The following CUL1 variants were observed in gnomAD, a reference collection of about 807,000 sequenced individuals.
CUL1 encodes the protein cullin 1, also known as cullin-1.
Under a neutral mutation model 118.0 loss-of-function variants are expected in CUL1, and 24 were observed. That is an observed-to-expected ratio of 0.20 (90% confidence interval 0.15 to 0.29). CUL1 has a LOEUF of 0.29. Ranked by LOEUF, CUL1 falls within the 10% of genes least tolerant of loss-of-function variation. The pLI is 1.00. For missense variants in CUL1, 361 were observed against 933.8 expected (o/e 0.39, Z 7.99); for synonymous variants, 332 against 340.4 (o/e 0.98, Z 0.27).
At chr7:148,784,709 TCTC>T (rs1233472000) in intron 11 of CUL1, among the ~76,000 whole-genome samples, 16 of 152,332 alleles carry the variant, frequency 1.1e-4, no homozygotes, top group African/African-American at 3.6e-4. Context: ...AGGAAGCTAA[TCTC>T]CTTCTGGCTT....
intron 1 of CUL1, among the ~76,000 whole-genome samples, chr7:148,703,528 G>GT (rs1286657111): frequency 1.0e-4 from 14 of 134,330 alleles, no homozygotes; most frequent in Non-Finnish European, 5.1e-5. Flanking sequence ...AGGTTTTTTT[G>GT]TTTTTTGTTT....
rs1179386384 is a variant in CUL1, at chr7:148,787,707, T to C, written c.1479+587T>C. ...GGGCCTCTCCTGCCTCCCACACCTT[T>C]AGCCTTGCAGCACATTCACACTTCC... On this transcript the variant is annotated intron_variant, in intron 13 of 21. Transcript: ENST00000325222. This position sits in a 1 kb window ranked among gnomAD's most constrained non-coding sequence, Gnocchi z 5.5. Among the ~76,000 whole-genome samples, 1 of 152,094 alleles carries C rather than the reference T, an allele frequency of 6.6e-6. No homozygotes were observed. Among genetic ancestry groups the C allele is most frequent in the Non-Finnish European group, 1.5e-5 (1 of 68,024 alleles).
intron 1 of CUL1, among the ~76,000 whole-genome samples, chr7:148,703,953 T>G (rs1443612706): frequency 6.6e-6 from 1 of 152,146 alleles, no homozygotes; most frequent in Non-Finnish European, 1.5e-5. Flanking sequence ...GATCTCAAGA[T>G]GGAGAAGACC....
intron 9 of CUL1, among the ~76,000 whole-genome samples, chr7:148,781,206 G>A (rs1358346845): frequency 2.0e-4 from 30 of 148,540 alleles, no homozygotes; most frequent in African/African-American, 7.0e-4. Context: ...TCAGCCTCCC[G>A]AGTAGCTGGG....
At position 148,720,598 on chromosome 7, in the gene CUL1, A is replaced by G. The variant is rs182757828; in HGVS notation, c.-161-9364A>G. ...GATAGGATTAGATATTTGGGCAGTT[A>G]GTAGAGAGGGTGGTGCTTTCGTAAC... On this transcript the variant is annotated intron_variant, in intron 1 of 21. Transcript: ENST00000325222. 3.6e-3 allele frequency among the ~76,000 whole-genome samples: 548 copies of G among 152,300 alleles called. 2 individuals carry two copies. Among genetic ancestry groups the G allele is most frequent in the African/African-American group, 0.013 (525 of 41,582 alleles).
intron 7 of CUL1, among the ~76,000 whole-genome samples, chr7:148,761,581 G>A (rs972483965): frequency 6.6e-6 from 1 of 152,202 alleles, no homozygotes; most frequent in Non-Finnish European, 1.5e-5. Context: ...TCTGGAGTCA[G>A]CAAACTTATC....
chr7:148,799,692 T>C (rs1801323778), intron 21 of CUL1, among the ~76,000 whole-genome samples: 1 of 141,886 alleles, frequency 7.0e-6, no homozygotes, highest in East Asian at 2.5e-4. Flanking sequence ...CTGTGTCCCA[T>C]AGAAAATCAC....
chr7:148,758,901 A>T (rs1353239475), intron 4 of CUL1, among the ~76,000 whole-genome samples: 5 of 152,126 alleles, frequency 3.3e-5, no homozygotes, highest in African/African-American at 4.8e-5. Context: ...TCTTTTTCAC[A>T]TATAAATGCT....
At chr7:148,747,711 AC>A (rs1157510165) in intron 2 of CUL1, among the ~76,000 whole-genome samples, 1 of 152,232 alleles carries the variant, frequency 6.6e-6, no homozygotes, top group African/African-American at 2.4e-5. Context: ...AGGAGCAAAA[AC>A]CACTATGGAA....
At chr7:148,708,841 C>T (rs888275984) in intron 1 of CUL1, among the ~76,000 whole-genome samples, 6 of 152,134 alleles carry the variant, frequency 3.9e-5, no homozygotes, top group African/African-American at 7.2e-5. Context: ...AACAAAGCAA[C>T]CAATTTGCGG....
chr7:148,799,419 T>G (rs1312049539), intron 21 of CUL1, 31 bp downstream of exon 21: 1 of 1,404,426 alleles, frequency 7.1e-7, no homozygotes. Flanking sequence ...GTCACATTCC[T>G]TTCTTAATTT....
At chr7:148,704,125 A>G (rs190733143) in intron 1 of CUL1, among the ~76,000 whole-genome samples, 206 of 151,452 alleles carry the variant, frequency 1.4e-3, no homozygotes, top group African/African-American at 4.7e-3. Flanking sequence ...TACTGTAAAA[A>G]GAGGGCATGT....
chr7:148,707,155 A>C (rs1797910963), intron 1 of CUL1, among the ~76,000 whole-genome samples: 1 of 152,202 alleles, frequency 6.6e-6, no homozygotes, highest in Non-Finnish European at 1.5e-5. Flanking sequence ...ACTGATTTTA[A>C]AATCATCGAA....
At chr7:148,763,704 CCA>C (rs1169549006) in intron 7 of CUL1, among the ~76,000 whole-genome samples, 3 of 152,242 alleles carry the variant, frequency 2.0e-5, no homozygotes, top group Non-Finnish European at 4.4e-5. Flanking sequence ...AATATACATC[CCA>C]CAAAACCTCC....
intron 9 of CUL1, chr7:148,783,333 G>T: frequency 1.0e-6 from 1 of 985,456 alleles, no homozygotes; most frequent in Non-Finnish European, 1.2e-6. Flanking sequence ...GGGGGCCGCA[G>T]TCAGACTCCC....
chr7:148,734,370 A>G (rs1258637105), intron 2 of CUL1, among the ~76,000 whole-genome samples: 1 of 152,166 alleles, frequency 6.6e-6, no homozygotes, highest in Non-Finnish European at 1.5e-5. Flanking sequence ...TCAGCCTCCA[A>G]GTAGCTGGGA....
rs1236092797 is a variant in CUL1, at chr7:148,725,219, GCTCACACA to G, written c.-161-4741_-161-4734del. Among the ~76,000 whole-genome samples the G allele has an allele frequency of 4.6e-3, 648 of 140,146 alleles. 6 individuals are homozygous for G. Among genetic ancestry groups the G allele is most frequent in the African/African-American group, 0.017 (599 of 35,426 alleles). The allele number at this position is 140,146 out of a possible 152,430, so 91.9% of individuals were successfully genotyped here. A position where few individuals can be genotyped will look rare whatever the true frequency, so the allele number is the denominator to read the frequency against. ...CGTGTACACACACACACACGCGCGCGCTCACACACACACACACACACACACACACCCGT... is the reference window on the plus strand; with the variant it reads ...CGTGTACACACACACACACGCGCGCGCACACACACACACACACACACCCGT... On this transcript the variant is annotated intron_variant, in intron 1 of 21. Transcript: ENST00000325222.
At chr7:148,773,513 G>A (rs1044186651) in intron 9 of CUL1, among the ~76,000 whole-genome samples, 1 of 152,148 alleles carries the variant, frequency 6.6e-6, no homozygotes. Flanking sequence ...CAGCCCTTGA[G>A]AGCGAAGCTC....
At chr7:148,719,250 G>A (rs1266766580) in intron 1 of CUL1, among the ~76,000 whole-genome samples, 1 of 152,120 alleles carries the variant, frequency 6.6e-6, no homozygotes, top group African/African-American at 2.4e-5. Flanking sequence ...GGCGGAGCTT[G>A]CAGTGAGCCA....
Sources: gnomAD v4.1 joint callset for allele counts (sites outside exome capture counted in the v4.1 genomes callset) on GRCh38, gnomAD v4.1.1 for gene constraint, Gnocchi (gnomAD v3.1) non-coding constraint, MANE v1.5 for transcripts, NCBI Gene and HGNC (gene_info 2026-07-23, HGNC 2026-07-21) for gene names.